The following SMARCC1 variants were observed in gnomAD, a reference collection of about 807,000 sequenced individuals.
SMARCC1 encodes the protein SWI/SNF complex subunit SMARCC1.
Under a neutral mutation model 147.4 loss-of-function variants are expected in SMARCC1, and 43 were observed. That is an observed-to-expected ratio of 0.29 (90% CI 0.23 to 0.38). The LOEUF is 0.38. SMARCC1 is among the 10% of genes least tolerant of loss of function. SMARCC1 has a pLI of 1.00. For synonymous variants in SMARCC1, 495 were observed against 484.4 expected, an observed-to-expected ratio of 1.02 and a Z score of -0.29; for missense variants, 1,119 against 1,381.1, an observed-to-expected ratio of 0.81 and a Z score of 3.01.
At chr3:47,633,626 C>T (rs989311841) in intron 24 of SMARCC1, among the ~76,000 whole-genome samples, 1 of 149,942 alleles carries the variant, frequency 6.7e-6, no homozygotes, top group African/African-American at 2.5e-5. Flanking sequence ...CGCCTCTAAT[C>T]CCAGCTACTT....
At chr3:47,631,015 T>C (rs961725147) in intron 24 of SMARCC1, among the ~76,000 whole-genome samples, 1 of 151,914 alleles carries the variant, frequency 6.6e-6, no homozygotes. Context: ...CAGTGAGCTG[T>C]GATCACATCA....
intron 11 of SMARCC1, among the ~76,000 whole-genome samples, chr3:47,700,033 C>G (rs1404192565): frequency 6.6e-6 from 1 of 151,334 alleles, no homozygotes; most frequent in Admixed American, 6.6e-5. Flanking sequence ...CATTATTTTT[C>G]ATGCTCACAG....
chr3:47,732,429 T>C (rs1307091304), intron 5 of SMARCC1, among the ~76,000 whole-genome samples: 1 of 152,202 alleles, frequency 6.6e-6, no homozygotes, highest in African/African-American at 2.4e-5. Flanking sequence ...CCTCAAAAAC[T>C]TTTCCTTTGC....
chr3:47,635,174 G>C lies in SMARCC1; in HGVS notation c.2646+16C>G, dbSNP rs775931079. 3 of 1,611,092 alleles carry C rather than the reference G, an allele frequency of 1.9e-6. No individual in the cohort carries two copies. The East Asian group carries it at 6.7e-5, about 36-fold the overall frequency. ...TGCCTTAAGAGAGCACTGGAAAAGG[G>C]CTGTCAGGGGCAAACCTTGGCTTTG... is the stretch of plus-strand genomic sequence containing the variant. On this transcript the variant is annotated intron_variant, in intron 24 of 27. Coordinates refer to ENST00000254480, the MANE Select transcript of SMARCC1 (RefSeq NM_003074.4).
chr3:47,746,500 CAGTGGCTCACACCTA>C (rs1187558872), intron 2 of SMARCC1: 10 of 152,302 alleles, frequency 6.6e-5, no homozygotes, highest in African/African-American at 2.4e-4. Flanking sequence ...GTAGCCAGTA[CAGTGGCTCACACCTA>C]TAGTCGCAGC....
chr3:47,624,819 G>A (rs1246447315), intron 24 of SMARCC1, among the ~76,000 whole-genome samples: 7 of 151,624 alleles, frequency 4.6e-5, no homozygotes, highest in African/African-American at 1.5e-4. Flanking sequence ...CTTTGGGAAG[G>A]CGAGTGGATT....
chr3:47,759,940 G>GA (rs983767435), intron 2 of SMARCC1, among the ~76,000 whole-genome samples: 19 of 149,534 alleles, frequency 1.3e-4, no homozygotes, highest in African/African-American at 4.2e-4. Flanking sequence ...TCCATCTCCA[G>GA]AAAAAAAAGA....
chr3:47,630,717 GT>G (rs1404845520), intron 24 of SMARCC1, among the ~76,000 whole-genome samples: 1 of 152,142 alleles, frequency 6.6e-6, no homozygotes, highest in Non-Finnish European at 1.5e-5. Context: ...ATCAACCCCT[GT>G]CCGTTAATAC....
chr3:47,668,518 G>C (rs1420630606), intron 19 of SMARCC1, among the ~76,000 whole-genome samples: 2 of 152,042 alleles, frequency 1.3e-5, no homozygotes, highest in Non-Finnish European at 2.9e-5. Flanking sequence ...AGATAACAAG[G>C]AAATGAACAT....
intron 2 of SMARCC1, among the ~76,000 whole-genome samples, chr3:47,755,236 C>G (rs2034681561): frequency 6.6e-6 from 1 of 151,798 alleles, no homozygotes; most frequent in African/African-American, 2.4e-5. Flanking sequence ...GGCACGGTGG[C>G]TCATGACTGT....
intron 2 of SMARCC1, among the ~76,000 whole-genome samples, chr3:47,759,612 C>A (rs1277777923): frequency 4.2e-5 from 1 of 23,692 alleles, no homozygotes; most frequent in African/African-American, 7.8e-5. Context: ...GAGCTAGACT[C>A]CGTCTCAAAA....
intron 21 of SMARCC1, among the ~76,000 whole-genome samples, chr3:47,646,269 G>GA (rs1559633735): frequency 6.6e-6 from 1 of 151,982 alleles, no homozygotes; most frequent in African/African-American, 2.4e-5. Flanking sequence ...TATATCTCTT[G>GA]AAAAAAGAAA....
intron 1 of SMARCC1, among the ~76,000 whole-genome samples, chr3:47,780,599 C>T (rs975215513): frequency 6.6e-6 from 1 of 152,150 alleles, no homozygotes; most frequent in African/African-American, 2.4e-5. Flanking sequence ...ATTCATTCAA[C>T]AAATATTTAC....
rs1040793129 is a variant in SMARCC1, at chr3:47,611,675, G to T, written c.2782-1348C>A. On this transcript the variant is annotated intron_variant, in intron 25 of 27. Transcript: ENST00000254480. Reference sequence around the variant, plus strand: ...CACTATTATTTGCAAAAACTAGATGGAATAAGCATGAGAATTAGCCTAAAA... The same window carrying T: ...CACTATTATTTGCAAAAACTAGATGTAATAAGCATGAGAATTAGCCTAAAA... 3.3e-5 allele frequency among the ~76,000 whole-genome samples: 5 copies of T among 152,160 alleles called. No homozygotes were observed. In the South Asian group the frequency reaches 1.0e-3, roughly 32 times the overall value.
At chr3:47,626,149 C>T (rs1056229552) in intron 24 of SMARCC1, among the ~76,000 whole-genome samples, 11 of 151,562 alleles carry the variant, frequency 7.3e-5, no homozygotes, top group African/African-American at 1.2e-4. Context: ...AGCGAGGCCC[C>T]GTCCTTTTTT....
At chr3:47,750,152 T>A (rs2034613459) in intron 2 of SMARCC1, among the ~76,000 whole-genome samples, 1 of 150,444 alleles carries the variant, frequency 6.6e-6, no homozygotes, top group Non-Finnish European at 1.5e-5. Context: ...TAGACTAATG[T>A]AGGCTGGGCG....
chr3:47,763,660 A>G (rs142298256), intron 2 of SMARCC1, among the ~76,000 whole-genome samples: 21 of 151,538 alleles, frequency 1.4e-4, no homozygotes, highest in Admixed American at 9.9e-4. Context: ...TAAGAAAAAA[A>G]ATATATATAT....
chr3:47,731,058 T>C (rs892551241), intron 5 of SMARCC1, among the ~76,000 whole-genome samples: 1 of 152,204 alleles, frequency 6.6e-6, no homozygotes, highest in Non-Finnish European at 1.5e-5. Context: ...CTTTCACAAA[T>C]GATTTCTCTG....
intron 21 of SMARCC1, among the ~76,000 whole-genome samples, chr3:47,655,523 C>G (rs887736561): frequency 3.3e-5 from 5 of 151,578 alleles, no homozygotes; most frequent in Admixed American, 2.0e-4. Flanking sequence ...ATGGTGAAAC[C>G]CTGTCTCCAC....
Sources: gnomAD v4.1 joint callset for allele counts (sites outside exome capture counted in the v4.1 genomes callset) on GRCh38, gnomAD v4.1.1 for gene constraint, MANE v1.5 for transcripts, NCBI Gene and HGNC (gene_info 2026-07-23, HGNC 2026-07-21) for gene names.